The following BCAS3 variants were observed in gnomAD, a reference collection of about 807,000 sequenced individuals.
The protein encoded by BCAS3 is BCAS4/BCAS3 fusion.
In BCAS3, 53 loss-of-function variants were observed where a neutral mutation model predicts 116.1. The observed-to-expected ratio is 0.46, with a 90% confidence interval of 0.37 to 0.57. BCAS3 has a LOEUF of 0.57. Ranked by LOEUF, BCAS3 falls within the 20% of genes least tolerant of loss-of-function variation. The pLI is 0.00. For synonymous variants in BCAS3, 391 were observed against 408.2 expected (o/e 0.96, Z 0.51); for missense variants, 917 against 1,165.4 (o/e 0.79, Z 3.10).
At chr17:61,247,974 C>T (rs1240167247) in intron 22 of BCAS3, among the ~76,000 whole-genome samples, 3 of 152,218 alleles carry the variant, frequency 2.0e-5, no homozygotes, top group Non-Finnish European at 2.9e-5. Context: ...AAGGCTGTCA[C>T]ATTGGAACTT....
In BCAS3 at chr17:60,948,695, G is replaced by A. The variant is rs959079235; in HGVS notation, c.1221+1343G>A. The stretch of plus-strand genomic sequence containing the variant: ...TGTCTTAAATTTAGAGAACTTAAAC[G>A]CTAATAGTTTATAAGAATATGTTTG... On this transcript the variant is annotated intron_variant, in intron 14 of 23. Coordinates refer to ENST00000407086, the MANE Select transcript of BCAS3 (RefSeq NM_017679.5). Among the ~76,000 whole-genome samples, 7 of 152,014 alleles carry A rather than the reference G, an allele frequency of 4.6e-5. No homozygotes were observed. The South Asian group carries it at 6.2e-4, about 14-fold the overall frequency.
chr17:60,783,836 A>G (rs2046039287), intron 6 of BCAS3, among the ~76,000 whole-genome samples: 1 of 152,192 alleles, frequency 6.6e-6, no homozygotes, highest in African/African-American at 2.4e-5. Context: ...AGATAATGCT[A>G]CAGGTTTGAT....
intron 22 of BCAS3, among the ~76,000 whole-genome samples, chr17:61,238,367 C>T (rs962077678): frequency 6.6e-6 from 1 of 151,952 alleles, no homozygotes; most frequent in African/African-American, 2.4e-5. Context: ...GGATTACAGG[C>T]GCCTGCCACC....
At chr17:60,918,548 G>T (rs907961204) in intron 12 of BCAS3, among the ~76,000 whole-genome samples, 2 of 151,974 alleles carry the variant, frequency 1.3e-5, no homozygotes, top group African/African-American at 4.8e-5. Flanking sequence ...TGATCTGAGT[G>T]TACATTTGTA....
In BCAS3 at chr17:61,023,508, C is replaced by T. The variant is rs1182488505; in HGVS notation, c.1637+7607C>T. 6.6e-6 allele frequency among the ~76,000 whole-genome samples: 1 copy of T among 152,152 alleles called. No homozygotes were observed. The highest frequency in any genetic ancestry group is 1.5e-5 in the Non-Finnish European group (1 of 68,020). On this transcript the variant is annotated intron_variant, in intron 16 of 23. Coordinates refer to ENST00000407086, the MANE Select transcript of BCAS3 (RefSeq NM_017679.5). This position sits in a 1 kb window ranked among gnomAD's most constrained non-coding sequence, Gnocchi z 4.8. Reference sequence around the variant, plus strand: ...TACTAATACCTTTTAGCACTAGAGTCAGATTATAGAGGATTGGAGGATTTC... The same window carrying T: ...TACTAATACCTTTTAGCACTAGAGTTAGATTATAGAGGATTGGAGGATTTC...
In BCAS3 at chr17:61,352,874, G is replaced by A. The variant is rs540895544; in HGVS notation, c.2426-15453G>A. ...GCCTGGTGCCGCCACACTCCTGCTC[G>A]GCTCCTAGGCTGCTAGCGGGAGGTA... On this transcript the variant is annotated intron_variant, in intron 22 of 23. Coordinates refer to ENST00000407086, the MANE Select transcript of BCAS3 (RefSeq NM_017679.5). This position sits in a 1 kb window ranked among gnomAD's most constrained non-coding sequence, Gnocchi z 4.7. Among the ~76,000 whole-genome samples the A allele has an allele frequency of 7.9e-5, 12 of 152,312 alleles. No homozygotes were observed. The East Asian group carries it at 2.3e-3, about 29-fold the overall frequency.
At chr17:60,802,400 T>C (rs1425106749) in intron 6 of BCAS3, among the ~76,000 whole-genome samples, 2 of 145,460 alleles carry the variant, frequency 1.4e-5, no homozygotes, top group Admixed American at 1.3e-4. Flanking sequence ...CCCCTTGTTT[T>C]TATCATTCTT....
intron 4 of BCAS3, among the ~76,000 whole-genome samples, chr17:60,704,132 G>A (rs1399006394): frequency 6.6e-6 from 1 of 152,106 alleles, no homozygotes; most frequent in African/African-American, 2.4e-5. Context: ...AACTTCTGCC[G>A]ACCAAGAGGC....
At chr17:60,797,324 T>C (rs1358995379) in intron 6 of BCAS3, among the ~76,000 whole-genome samples, 2 of 152,176 alleles carry the variant, frequency 1.3e-5, no homozygotes, top group Non-Finnish European at 2.9e-5. Context: ...GCAGTGAACA[T>C]AGTTGTGCAA....
At chr17:60,811,318 G>A in intron 7 of BCAS3, 1 of 721,844 alleles carries the variant, frequency 1.4e-6, no homozygotes, top group Non-Finnish European at 2.4e-6. Context: ...ACTGTCACCT[G>A]CTGGAAGATG....
intron 19 of BCAS3, among the ~76,000 whole-genome samples, chr17:61,053,364 C>G (rs940998439): frequency 6.6e-6 from 1 of 152,074 alleles, no homozygotes; most frequent in African/African-American, 2.4e-5. Context: ...ATTTTACTAT[C>G]CTGTTGTTTC....
intron 9 of BCAS3, among the ~76,000 whole-genome samples, chr17:60,879,222 T>C (rs376250164): frequency 1.4e-4 from 22 of 152,134 alleles, no homozygotes; most frequent in Admixed American, 3.9e-4. Flanking sequence ...CCATGTTGAA[T>C]GACAAGATCT....
rs1438787126 is a variant in BCAS3 at position 61,030,775 on chromosome 17, T to C, written c.1638-3891T>C. The stretch of plus-strand genomic sequence containing the variant: ...TGTTTTATGATTGTCATTTTTATGA[T>C]GCTGAAAGTTGAATTTATTCCATTT... On this transcript the variant is annotated intron_variant, in intron 16 of 23. Transcript: ENST00000407086. Among the ~76,000 whole-genome samples the C allele has an allele frequency of 3.3e-5, 5 of 152,092 alleles. No homozygotes were observed. In the East Asian group the frequency reaches 9.6e-4, roughly 29 times the overall value.
chr17:61,266,276 G>A (rs142663671), intron 22 of BCAS3, among the ~76,000 whole-genome samples: 33 of 152,320 alleles, frequency 2.2e-4, no homozygotes, highest in Non-Finnish European at 4.3e-4. Context: ...AGAAGAGACT[G>A]TGCAATAGGT....
rs1311691053 is a variant in BCAS3 at position 61,243,738 on chromosome 17, C to T, written c.2426-124589C>T. Among the ~76,000 whole-genome samples, 2 of 152,130 alleles carry T rather than the reference C, an allele frequency of 1.3e-5. No individual in the cohort carries two copies. The highest frequency in any genetic ancestry group is 2.9e-5 in the Non-Finnish European group (2 of 68,026). On this transcript the variant is annotated intron_variant, in intron 22 of 23. Coordinates refer to ENST00000407086, the MANE Select transcript of BCAS3 (RefSeq NM_017679.5). The surrounding 1 kb of genome is among the most constrained non-coding windows in gnomAD (Gnocchi z 5.6). ...TGGACGAAGTGACTGCTAGAGACTT[C>T]AGGGAAAATAATAACTTATAACTAT... is the stretch of plus-strand genomic sequence containing the variant.
intron 22 of BCAS3, among the ~76,000 whole-genome samples, chr17:61,250,058 A>G (rs1307817792): frequency 2.0e-5 from 3 of 152,138 alleles, no homozygotes; most frequent in African/African-American, 7.2e-5. Flanking sequence ...TTCTATAAGG[A>G]AGGTCGAAGA....
At chr17:61,253,597 A>G (rs889500143) in intron 22 of BCAS3, among the ~76,000 whole-genome samples, 2 of 151,552 alleles carry the variant, frequency 1.3e-5, no homozygotes, top group Admixed American at 6.6e-5. Flanking sequence ...TATGAGCTCT[A>G]TGGTAGTAGA....
At chr17:61,011,642 A>G (rs1454596878) in intron 15 of BCAS3, among the ~76,000 whole-genome samples, 1 of 152,084 alleles carries the variant, frequency 6.6e-6, no homozygotes, top group African/African-American at 2.4e-5. Flanking sequence ...TTGAGCTGTT[A>G]GCTATTAATG....
rs2061340992 is a variant in BCAS3 at position 60,960,102 on chromosome 17, G to C, written c.1221+12750G>C. Among the ~76,000 whole-genome samples the C allele has an allele frequency of 6.6e-6, 1 of 152,120 alleles. No individual in the cohort carries two copies. The highest frequency in any genetic ancestry group is 6.6e-5 in the Admixed American group (1 of 15,258). ...GTAACTCTTTGATCCTTTGAGGGATGTGGACATGTCTTTTGGGGGCTATAA... is the reference window on the plus strand; with the variant it reads ...GTAACTCTTTGATCCTTTGAGGGATCTGGACATGTCTTTTGGGGGCTATAA... On this transcript the variant is annotated intron_variant, in intron 14 of 23. Transcript: ENST00000407086. The surrounding 1 kb of genome is among the most constrained non-coding windows in gnomAD (Gnocchi z 4.1).
Sources: gnomAD v4.1 joint callset for allele counts (sites outside exome capture counted in the v4.1 genomes callset) on GRCh38, gnomAD v4.1.1 for gene constraint, Gnocchi (gnomAD v3.1) non-coding constraint, MANE v1.5 for transcripts, NCBI Gene and HGNC (gene_info 2026-07-23, HGNC 2026-07-21) for gene names.